PTPRD: variants seen among roughly 807,000 people sequenced by gnomAD.
The protein encoded by PTPRD is protein tyrosine phosphatase receptor type D.
PTPRD carries 34 observed loss-of-function variants against 214.5 expected under a neutral mutation model. The observed-to-expected ratio is 0.16, with a 90% confidence interval of 0.12 to 0.21. The LOEUF (loss-of-function observed/expected upper bound fraction) is 0.21, where lower values mean the gene tolerates loss of function less well. Among genes scored for constraint, PTPRD ranks in the 10% least tolerant of loss-of-function variants. The pLI, the probability that PTPRD is intolerant of heterozygous loss-of-function variation, is 1.00. For synonymous variants in PTPRD, 1,128 were observed against 845.7 expected, an observed-to-expected ratio of 1.33 and a Z score of -5.79; for missense variants, 2,545 against 2,398.7, an observed-to-expected ratio of 1.06 and a Z score of -1.27.
intron 9 of PTPRD, among the ~76,000 whole-genome samples, chr9:9,324,518 C>T (rs1595795805): frequency 2.6e-5 from 4 of 152,252 alleles, no homozygotes; most frequent in East Asian, 1.9e-4. Context: ...ATATCCTTTG[C>T]CCACTTTTTG....
At chr9:8,799,470 T>C (rs1300896105) in intron 11 of PTPRD, among the ~76,000 whole-genome samples, 1 of 152,144 alleles carries the variant, frequency 6.6e-6, no homozygotes, top group Non-Finnish European at 1.5e-5. Flanking sequence ...ATCAGCCTAA[T>C]AAAAAGAGAA....
At chr9:9,215,272 T>G (rs2133073157) in intron 9 of PTPRD, among the ~76,000 whole-genome samples, 1 of 152,264 alleles carries the variant, frequency 6.6e-6, no homozygotes, top group African/African-American at 2.4e-5. Context: ...TTAACCCAGG[T>G]TATGCAATGG....
chr9:8,330,556 T>TCC (rs1839244640), intron 44 of PTPRD, among the ~76,000 whole-genome samples: 2 of 107,696 alleles, frequency 1.9e-5, no homozygotes, highest in Admixed American at 9.0e-5. Context: ...GGATGTTTAA[T>TCC]AACTCAATAG....
intron 3 of PTPRD, among the ~76,000 whole-genome samples, chr9:10,136,310 G>C (rs1162284862): frequency 6.6e-6 from 1 of 152,042 alleles, no homozygotes; most frequent in Non-Finnish European, 1.5e-5. Context: ...TCCACTAACA[G>C]TGCTAGATAG....
At chr9:8,336,997 G>C (rs1354598104) in intron 43 of PTPRD, among the ~76,000 whole-genome samples, 1 of 152,188 alleles carries the variant, frequency 6.6e-6, no homozygotes, top group East Asian at 1.9e-4. Flanking sequence ...TACACTGTTG[G>C]TGGGTGTGTA....
intron 10 of PTPRD, among the ~76,000 whole-genome samples, chr9:9,052,787 G>A (rs978102535): frequency 1.3e-5 from 2 of 152,194 alleles, no homozygotes; most frequent in South Asian, 2.1e-4. Flanking sequence ...GCTGCATTAG[G>A]AATTTTATGT....
chr9:9,509,833 G>A (rs1430413559), intron 8 of PTPRD, among the ~76,000 whole-genome samples: 2 of 150,996 alleles, frequency 1.3e-5, no homozygotes, highest in Non-Finnish European at 3.0e-5. Context: ...ATATTTTGCT[G>A]TCCTATACAA....
intron 8 of PTPRD, among the ~76,000 whole-genome samples, chr9:9,405,545 G>A (rs1038758188): frequency 1.3e-5 from 2 of 152,140 alleles, no homozygotes; most frequent in African/African-American, 2.4e-5. Flanking sequence ...TATAACATTA[G>A]CCTGGGTAAA....
At chr9:9,940,418 A>G (rs2091117626) in intron 4 of PTPRD, among the ~76,000 whole-genome samples, 1 of 152,164 alleles carries the variant, frequency 6.6e-6, no homozygotes, top group Non-Finnish European at 1.5e-5. Context: ...GATAGGAAAG[A>G]AAGAGTGAGT....
At chr9:10,120,545 G>T (rs562038717) in intron 3 of PTPRD, among the ~76,000 whole-genome samples, 1 of 151,894 alleles carries the variant, frequency 6.6e-6, no homozygotes. Context: ...AGTGCACTTT[G>T]AAGTAAGCTT....
At chr9:9,909,080 C>T (rs2078439916) in intron 5 of PTPRD, among the ~76,000 whole-genome samples, 2 of 151,904 alleles carry the variant, frequency 1.3e-5, no homozygotes, top group African/African-American at 4.8e-5. Flanking sequence ...AAAAGCAACT[C>T]CAAACTACTG....
intron 8 of PTPRD, among the ~76,000 whole-genome samples, chr9:9,502,031 CA>C (rs1248327167): frequency 1.3e-5 from 2 of 151,880 alleles, no homozygotes; most frequent in East Asian, 3.9e-4. Flanking sequence ...GAGATACATA[CA>C]CACCCATGAA....
chr9:9,620,660 G>A (rs1008165848), intron 7 of PTPRD, among the ~76,000 whole-genome samples: 1 of 152,104 alleles, frequency 6.6e-6, no homozygotes, highest in Non-Finnish European at 1.5e-5. Context: ...GGCCCACATT[G>A]AGATAACTCT....
chr9:8,559,957 A>G (rs1406527124), intron 14 of PTPRD, among the ~76,000 whole-genome samples: 1 of 152,206 alleles, frequency 6.6e-6, no homozygotes, highest in Non-Finnish European at 1.5e-5. Context: ...CAACAAAGTA[A>G]TAGTGTATTG....
chr9:9,915,521 TAA>T (rs1173736126), intron 5 of PTPRD, among the ~76,000 whole-genome samples: 1 of 150,966 alleles, frequency 6.6e-6, no homozygotes, highest in Non-Finnish European at 1.5e-5. Context: ...AGAAATTAAA[TAA>T]AGAGATAGAT....
At chr9:9,133,887 T>G (rs2099846660) in intron 10 of PTPRD, among the ~76,000 whole-genome samples, 1 of 152,010 alleles carries the variant, frequency 6.6e-6, no homozygotes, top group African/African-American at 2.4e-5. Flanking sequence ...ACAACAGCAC[T>G]GAAAGGGAAC....
intron 3 of PTPRD, among the ~76,000 whole-genome samples, chr9:10,224,697 C>T (rs2154351718): frequency 6.6e-6 from 1 of 152,146 alleles, no homozygotes; most frequent in East Asian, 1.9e-4. Context: ...CGCTGGTCCA[C>T]TGACACACAC....
At chr9:8,437,733 G>C (rs1339018293) in intron 34 of PTPRD, among the ~76,000 whole-genome samples, 6 of 152,120 alleles carry the variant, frequency 3.9e-5, no homozygotes, top group Non-Finnish European at 5.9e-5. Context: ...GTGAGCAAAT[G>C]GTGAAAAGAC....
chr9:9,775,131 G>A (rs77782669), intron 5 of PTPRD, among the ~76,000 whole-genome samples: 5 of 152,234 alleles, frequency 3.3e-5, no homozygotes, highest in East Asian at 1.9e-4. Context: ...AGGCATTTAC[G>A]TATCTGTCAC....
Sources: allele counts gnomAD v4.1 joint callset (sites outside exome capture counted in the v4.1 genomes callset), GRCh38; gene constraint gnomAD v4.1.1; transcripts MANE v1.5; gene names NCBI Gene and HGNC (gene_info 2026-07-23, HGNC 2026-07-21).